The following CDH18 variants were observed in gnomAD, a reference collection of about 807,000 sequenced individuals.
CDH18 encodes cadherin 18.
Under a neutral mutation model 67.9 loss-of-function variants are expected in CDH18, and 31 were observed. That is an observed-to-expected ratio of 0.46 (90% CI 0.34 to 0.62). The LOEUF (loss-of-function observed/expected upper bound fraction) is 0.62, where lower values mean the gene tolerates loss of function less well. Among genes scored for constraint, CDH18 ranks in the 20% least tolerant of loss-of-function variants. The pLI is 0.01. For synonymous variants in CDH18, 362 were observed against 347.2 expected, an observed-to-expected ratio of 1.04 and a Z score of -0.48; for missense variants, 890 against 975.5, an observed-to-expected ratio of 0.91 and a Z score of 1.17.
Position 19,785,679 on chromosome 5 carries a change from AATATATATATATATATATATATAT to A in CDH18, c.229-38467_229-38444del, listed in dbSNP as rs869169879. On this transcript the variant is annotated intron_variant, in intron 3 of 12. Transcript: ENST00000382275. ...CAAAAAAAAAAAAAAAAAAAAAAAA[AATATATATATATATATATATATAT>A]ATATATATATATATATATATATGCA... Among the ~76,000 whole-genome samples the A allele has an allele frequency of 6.4e-4, 18 of 28,154 alleles. No individual in the cohort carries two copies. In the South Asian group the frequency reaches 0.011, roughly 17 times the overall value. The allele number at this position is 28,154 out of a possible 152,430, so 18.5% of individuals were successfully genotyped here.
intron 1 of CDH18, among the ~76,000 whole-genome samples, chr5:20,405,680 T>C (rs1223197324): frequency 1.3e-5 from 2 of 152,062 alleles, no homozygotes; most frequent in East Asian, 3.9e-4. Context: ...ATTTTTGCAA[T>C]CTACTCATCT....
chr5:19,790,107 C>G (rs555951502), intron 3 of CDH18, among the ~76,000 whole-genome samples: 1 of 151,984 alleles, frequency 6.6e-6, no homozygotes, highest in South Asian at 2.1e-4. Flanking sequence ...TATTTGGTTT[C>G]GACTATTTCA....
rs975647099 is a variant in CDH18 at position 19,694,375 on chromosome 5, G to A, written c.643+26972C>T. On this transcript the variant is annotated intron_variant, in intron 5 of 12. Transcript: ENST00000382275. ...TTAAAAAGAGTATTAATGATAAAAT[G>A]TTAACTAATAGGATTGCCTTCATAT... 3.9e-5 allele frequency among the ~76,000 whole-genome samples: 6 copies of A among 152,174 alleles called. No individual in the cohort carries two copies. The East Asian group carries it at 1.2e-3, about 30-fold the overall frequency.
At position 19,928,348 on chromosome 5, in the gene CDH18, C is replaced by G. The variant is rs565560708; in HGVS notation, c.-257+52712G>C. 5.5e-4 allele frequency among the ~76,000 whole-genome samples: 83 copies of G among 152,006 alleles called. 2 individuals carry two copies. Among genetic ancestry groups the G allele is most frequent in the African/African-American group, 2.0e-3 (81 of 41,476 alleles). On this transcript the variant is annotated intron_variant, in intron 2 of 12. Transcript: ENST00000382275. The stretch of plus-strand genomic sequence containing the variant: ...TGTTTGCAAACACTTAAAAGAAGGC[C>G]CGGCACACAGAAAGCATTATACAAA...
intron 2 of CDH18, among the ~76,000 whole-genome samples, chr5:20,056,202 A>T (rs1256006615): frequency 2.0e-5 from 3 of 149,418 alleles, no homozygotes; most frequent in Non-Finnish European, 4.5e-5. Flanking sequence ...ACGGGATTTC[A>T]CCATAATGTC....
intron 2 of CDH18, among the ~76,000 whole-genome samples, chr5:20,093,356 C>CTTTTTTT (rs35736724): frequency 6.8e-6 from 1 of 148,134 alleles, no homozygotes; most frequent in Non-Finnish European, 1.5e-5. Context: ...CTCCTGTATT[C>CTTTTTTT]TTTTTTTTTT....
intron 1 of CDH18, among the ~76,000 whole-genome samples, chr5:20,453,475 A>G (rs183664106): frequency 9.2e-5 from 14 of 152,096 alleles, no homozygotes; most frequent in Admixed American, 9.2e-4. Flanking sequence ...TACCCCATGC[A>G]TTGCTTAGTT....
intron 1 of CDH18, among the ~76,000 whole-genome samples, chr5:20,273,795 C>A (rs754475903): frequency 9.2e-5 from 14 of 152,016 alleles, no homozygotes; most frequent in Non-Finnish European, 1.8e-4. Flanking sequence ...AACATCAAAC[C>A]TATACCAGGA....
At chr5:20,518,789 A>C (rs2126512278) in intron 1 of CDH18, among the ~76,000 whole-genome samples, 1 of 152,284 alleles carries the variant, frequency 6.6e-6, no homozygotes, top group Non-Finnish European at 1.5e-5. Context: ...ATCCATATGC[A>C]GCAAGAGTAT....
chr5:20,434,129 C>G (rs1210261441), intron 1 of CDH18, among the ~76,000 whole-genome samples: 2 of 152,008 alleles, frequency 1.3e-5, no homozygotes, highest in African/African-American at 4.8e-5. Context: ...TTTGAAATAG[C>G]AACCTCAGTT....
chr5:19,847,814 C>T (rs1382299300), intron 2 of CDH18, among the ~76,000 whole-genome samples: 1 of 151,960 alleles, frequency 6.6e-6, no homozygotes, highest in Non-Finnish European at 1.5e-5. Flanking sequence ...GTGTATATTC[C>T]TAATTAGAGG....
intron 1 of CDH18, among the ~76,000 whole-genome samples, chr5:20,371,245 T>C (rs371570486): frequency 1.3e-5 from 2 of 152,292 alleles, no homozygotes; most frequent in East Asian, 3.9e-4. Flanking sequence ...CTTGAGCAAC[T>C]GTTCAGTGGT....
At chr5:19,609,200 A>C (rs931809942) in intron 6 of CDH18, among the ~76,000 whole-genome samples, 2 of 151,942 alleles carry the variant, frequency 1.3e-5, no homozygotes, top group South Asian at 4.1e-4. Flanking sequence ...CTCTAGAAGG[A>C]GAAGTACACA....
At chr5:20,172,221 T>TATATA (rs1554098770) in intron 2 of CDH18, among the ~76,000 whole-genome samples, 4 of 78,346 alleles carry the variant, frequency 5.1e-5, no homozygotes, top group African/African-American at 1.1e-4. Flanking sequence ...TATATATATA[T>TATATA]ATGTATATAT....
At chr5:20,076,052 A>C (rs949091165) in intron 2 of CDH18, among the ~76,000 whole-genome samples, 24 of 152,190 alleles carry the variant, frequency 1.6e-4, no homozygotes, top group African/African-American at 5.1e-4. Context: ...TGGGCAATAT[A>C]TCTATGTAAC....
At chr5:19,818,812 A>C (rs1779557733) in intron 3 of CDH18, among the ~76,000 whole-genome samples, 1 of 152,246 alleles carries the variant, frequency 6.6e-6, no homozygotes, top group Admixed American at 6.5e-5. Flanking sequence ...TTCTTTCCAT[A>C]GTTGACTGAA....
At chr5:19,721,922 A>T (rs1041767028) in intron 4 of CDH18, among the ~76,000 whole-genome samples, 18 of 152,158 alleles carry the variant, frequency 1.2e-4, no homozygotes, top group African/African-American at 4.1e-4. Flanking sequence ...GGGTGAGTTG[A>T]TATTAAATTA....
chr5:19,564,149 G>A (rs976957361), intron 8 of CDH18, among the ~76,000 whole-genome samples: 1 of 152,126 alleles, frequency 6.6e-6, no homozygotes, highest in Non-Finnish European at 1.5e-5. Flanking sequence ...GGCAGTCTGG[G>A]CCAGAAGGAC....
At chr5:20,443,029 G>A (rs1214949270) in intron 1 of CDH18, among the ~76,000 whole-genome samples, 1 of 150,598 alleles carries the variant, frequency 6.6e-6, no homozygotes. Context: ...CTAAAACGGT[G>A]AAACCCCGTC....
Sources: allele counts gnomAD v4.1 joint callset (sites outside exome capture counted in the v4.1 genomes callset), GRCh38; gene constraint gnomAD v4.1.1; transcripts MANE v1.5; gene names NCBI Gene and HGNC (gene_info 2026-07-23, HGNC 2026-07-21).